TMEM178B: variants seen among roughly 807,000 people sequenced by gnomAD.
The protein encoded by TMEM178B is transmembrane protein 178B.
In TMEM178B, 5 loss-of-function variants were observed where a neutral mutation model predicts 31.0. The observed-to-expected ratio is 0.16, with a 90% confidence interval of 0.08 to 0.34. The LOEUF (loss-of-function observed/expected upper bound fraction) is 0.34. Among genes scored for constraint, TMEM178B ranks in the 10% least tolerant of loss-of-function variants. TMEM178B has a pLI of 1.00. For synonymous variants in TMEM178B, 164 were observed against 164.0 expected, an observed-to-expected ratio of 1.00 and a Z score of 0.00; for missense variants, 275 against 400.3, an observed-to-expected ratio of 0.69 and a Z score of 2.67.
chr7:141,286,617 G>A (rs2083580559), intron 2 of TMEM178B, among the ~76,000 whole-genome samples: 1 of 152,092 alleles, frequency 6.6e-6, no homozygotes, highest in Admixed American at 6.5e-5. Context: ...CCAACCTCGG[G>A]GAGAATCACA....
intron 1 of TMEM178B, among the ~76,000 whole-genome samples, chr7:141,195,349 A>G (rs1232137309): frequency 1.3e-5 from 2 of 152,152 alleles, no homozygotes; most frequent in African/African-American, 4.8e-5. Context: ...AATTTCTTCC[A>G]CCAGATACCC....
At chr7:141,180,634 T>C (rs898152700) in intron 1 of TMEM178B, among the ~76,000 whole-genome samples, 4 of 152,232 alleles carry the variant, frequency 2.6e-5, no homozygotes, top group African/African-American at 9.6e-5. Flanking sequence ...TGTAGACTTA[T>C]TGTATCACAT....
At chr7:141,354,228 A>T (rs1799781660) in intron 2 of TMEM178B, among the ~76,000 whole-genome samples, 1 of 152,188 alleles carries the variant, frequency 6.6e-6, no homozygotes, top group African/African-American at 2.4e-5. Context: ...GTATGAATGT[A>T]TGTTATGTTT....
chr7:141,459,240 G>A (rs1358627063), intron 3 of TMEM178B, among the ~76,000 whole-genome samples: 1 of 152,192 alleles, frequency 6.6e-6, no homozygotes, highest in East Asian at 1.9e-4. Flanking sequence ...TGTTGGTCAG[G>A]CTGGTCTCGA....
chr7:141,230,803 A>ATTTTTAT (rs893142037), intron 2 of TMEM178B, among the ~76,000 whole-genome samples: 2 of 151,986 alleles, frequency 1.3e-5, no homozygotes, highest in African/African-American at 2.4e-5. Context: ...CACCTGGCTA[A>ATTTTTAT]TTTTTATTTT....
intron 1 of TMEM178B, among the ~76,000 whole-genome samples, chr7:141,083,245 A>G (rs1794716060): frequency 6.6e-6 from 1 of 152,204 alleles, no homozygotes; most frequent in African/African-American, 2.4e-5. Flanking sequence ...AGATGGAAAA[A>G]TCATCCTAAT....
intron 1 of TMEM178B, among the ~76,000 whole-genome samples, chr7:141,179,941 T>G (rs1796493647): frequency 6.6e-6 from 1 of 152,200 alleles, no homozygotes; most frequent in Non-Finnish European, 1.5e-5. Context: ...CTGTCTACTC[T>G]TCTCAGGCCC....
chr7:141,289,787 G>T (rs926912708), intron 2 of TMEM178B, among the ~76,000 whole-genome samples: 1 of 151,882 alleles, frequency 6.6e-6, no homozygotes. Context: ...CTTTCATGGG[G>T]CTCCCACACA....
In TMEM178B at chr7:141,154,341, G is replaced by A. The variant is rs547609570; in HGVS notation, c.383-58250G>A. 2.6e-5 allele frequency among the ~76,000 whole-genome samples: 4 copies of A among 152,372 alleles called. No homozygotes were observed. The South Asian group carries it at 6.2e-4, about 24-fold the overall frequency. ...GCCAGCCCATGCCACATGGGTCGCTGAGGTCCTCATTGCTGGAACTGGTCC... is the reference window on the plus strand; with the variant it reads ...GCCAGCCCATGCCACATGGGTCGCTAAGGTCCTCATTGCTGGAACTGGTCC... On this transcript the variant is annotated intron_variant, in intron 1 of 3. Transcript: ENST00000565468.
At chr7:141,289,990 A>C (rs1034034040) in intron 2 of TMEM178B, among the ~76,000 whole-genome samples, 1 of 152,190 alleles carries the variant, frequency 6.6e-6, no homozygotes, top group African/African-American at 2.4e-5. Context: ...CCCCGCAACA[A>C]AAAAAGAAGA....
intron 1 of TMEM178B, among the ~76,000 whole-genome samples, chr7:141,086,427 T>G (rs2129171657): frequency 6.6e-6 from 1 of 152,346 alleles, no homozygotes; most frequent in Non-Finnish European, 1.5e-5. Context: ...ATGAAGCATA[T>G]GTATATATTT....
intron 2 of TMEM178B, among the ~76,000 whole-genome samples, chr7:141,397,982 A>G (rs1800687808): frequency 6.6e-6 from 1 of 152,106 alleles, no homozygotes; most frequent in Admixed American, 6.5e-5. Flanking sequence ...AAGGGGTCCA[A>G]CTCAGCTATA....
intron 3 of TMEM178B, among the ~76,000 whole-genome samples, chr7:141,449,363 T>C (rs1411168401): frequency 6.6e-6 from 1 of 151,786 alleles, no homozygotes; most frequent in Non-Finnish European, 1.5e-5. Context: ...GGGCATTGAT[T>C]GCAGGGGTGG....
intron 1 of TMEM178B, among the ~76,000 whole-genome samples, chr7:141,115,510 G>A (rs1795304711): frequency 6.6e-6 from 1 of 152,210 alleles, no homozygotes; most frequent in South Asian, 2.1e-4. Context: ...CCAGGCATAG[G>A]ACTCAGAACT....
chr7:141,467,556 G>C (rs979952586), intron 3 of TMEM178B, among the ~76,000 whole-genome samples: 5 of 152,012 alleles, frequency 3.3e-5, no homozygotes, highest in African/African-American at 1.2e-4. Context: ...TGATGACCAC[G>C]GCAACCTCCT....
intron 2 of TMEM178B, among the ~76,000 whole-genome samples, chr7:141,287,202 G>T (rs748672485): frequency 1.8e-4 from 28 of 152,006 alleles, no homozygotes; most frequent in Admixed American, 8.5e-4. Flanking sequence ...TTTTGTTGTT[G>T]CCTGATAATT....
the TMEM178B span, among the ~76,000 whole-genome samples, chr7:141,496,471 C>T: frequency 6.7e-3 from 1,018 of 151,734 alleles, 9 homozygotes; most frequent in African/African-American, 0.023. Flanking sequence ...GAGATCGAGA[C>T]CATCCCGGCT....
intron 2 of TMEM178B, among the ~76,000 whole-genome samples, chr7:141,227,367 T>C (rs930291776): frequency 6.6e-6 from 1 of 152,222 alleles, no homozygotes; most frequent in African/African-American, 2.4e-5. Context: ...AGAGCAGCAA[T>C]CCCTGCCCTC....
At chr7:141,136,224 C>T (rs1795673284) in intron 1 of TMEM178B, among the ~76,000 whole-genome samples, 2 of 152,126 alleles carry the variant, frequency 1.3e-5, no homozygotes, top group African/African-American at 4.8e-5. Context: ...AATAAAGCCA[C>T]ATATTTACAG....
Sources: allele counts gnomAD v4.1 joint callset (sites outside exome capture counted in the v4.1 genomes callset), GRCh38; gene constraint gnomAD v4.1.1; transcripts MANE v1.5; gene names NCBI Gene and HGNC (gene_info 2026-07-23, HGNC 2026-07-21).